The following CHN2 variants were observed in gnomAD, a reference collection of about 807,000 sequenced individuals.
CHN2 encodes the protein chimerin 2, also known as beta-chimaerin.
In CHN2, 35 loss-of-function variants were observed where a neutral mutation model predicts 56.3. That is an observed-to-expected ratio of 0.62 (90% CI 0.47 to 0.82). CHN2 has a LOEUF of 0.82. CHN2 is among the 40% of genes least tolerant of loss of function. The pLI is 0.00. For synonymous variants in CHN2, 210 were observed against 212.8 expected (o/e 0.99, Z 0.12); for missense variants, 491 against 580.5 (o/e 0.85, Z 1.58).
chr7:29,245,681 G>A (rs1309267250), intron 1 of CHN2, among the ~76,000 whole-genome samples: 1 of 152,184 alleles, frequency 6.6e-6, no homozygotes, highest in Non-Finnish European at 1.5e-5. Context: ...CCAGTACCTG[G>A]ATGCCTGGCT....
chr7:29,265,189 C>G (rs181786197), intron 1 of CHN2, among the ~76,000 whole-genome samples: 1 of 152,332 alleles, frequency 6.6e-6, no homozygotes, highest in East Asian at 1.9e-4. Context: ...ATTCCTTCAA[C>G]TTCTCCTGAC....
chr7:29,309,986 C>T (rs1794465298), intron 1 of CHN2, among the ~76,000 whole-genome samples: 1 of 152,206 alleles, frequency 6.6e-6, no homozygotes, highest in Non-Finnish European at 1.5e-5. Context: ...TGGGCCTCTC[C>T]CACCTTGTTC....
intron 3 of CHN2, among the ~76,000 whole-genome samples, chr7:29,381,102 T>A (rs1402105119): frequency 6.6e-6 from 1 of 152,182 alleles, no homozygotes; most frequent in African/African-American, 2.4e-5. Context: ...AAATTCTGGA[T>A]TTTGAGTCTC....
intron 1 of CHN2, among the ~76,000 whole-genome samples, chr7:29,272,100 G>A (rs3828991): frequency 0.18 from 27,309 of 152,046 alleles, 2,674 homozygotes; most frequent in Non-Finnish European, 0.22. Context: ...TGGTGTTGCC[G>A]TGACTTTCAG....
intron 1 of CHN2, among the ~76,000 whole-genome samples, chr7:29,276,201 G>A (rs1791202990): frequency 6.6e-6 from 1 of 152,166 alleles, no homozygotes; most frequent in Admixed American, 6.5e-5. Context: ...GTAGGACAGT[G>A]TAAGGAGGGG....
intron 1 of CHN2, among the ~76,000 whole-genome samples, chr7:29,225,176 T>C (rs1424970171): frequency 6.6e-6 from 1 of 152,174 alleles, no homozygotes; most frequent in Non-Finnish European, 1.5e-5. Context: ...ATGAATGTAA[T>C]TTTTTCTCCT....
chr7:29,252,788 G>A (rs113602054), intron 1 of CHN2, among the ~76,000 whole-genome samples: 2 of 111,966 alleles, frequency 1.8e-5, no homozygotes, highest in Non-Finnish European at 3.4e-5. Flanking sequence ...GTAGAGACGG[G>A]GTTTCACCTT....
At chr7:29,468,461 A>G (rs1785755321) in intron 6 of CHN2, among the ~76,000 whole-genome samples, 1 of 152,128 alleles carries the variant, frequency 6.6e-6, no homozygotes, top group African/African-American at 2.4e-5. Context: ...CAGTCAAACA[A>G]TAAAAATGGA....
intron 1 of CHN2, among the ~76,000 whole-genome samples, chr7:29,305,173 C>T (rs1794043503): frequency 6.6e-6 from 1 of 152,128 alleles, no homozygotes. Context: ...CAGGAAATTC[C>T]CAGTGATTGT....
intron 6 of CHN2, among the ~76,000 whole-genome samples, chr7:29,403,648 T>C (rs1488069675): frequency 6.6e-6 from 1 of 150,664 alleles, no homozygotes; most frequent in Non-Finnish European, 1.5e-5. Flanking sequence ...GTAGATGAGA[T>C]GGAGAGGCAG....
chr7:29,189,567 G>C (rs1243591403), intron 2 of CHN2, among the ~76,000 whole-genome samples: 1 of 152,144 alleles, frequency 6.6e-6, no homozygotes, highest in Non-Finnish European at 1.5e-5. Flanking sequence ...GTAACCTGAA[G>C]TGTCAGGGAA....
chr7:29,247,173 A>C (rs1788143330), intron 1 of CHN2, among the ~76,000 whole-genome samples: 1 of 152,198 alleles, frequency 6.6e-6, no homozygotes, highest in Non-Finnish European at 1.5e-5. Flanking sequence ...CTCCAGGTAG[A>C]GGGAACAGCA....
At chr7:29,241,016 G>A (rs892385309) in intron 1 of CHN2, among the ~76,000 whole-genome samples, 2 of 152,086 alleles carry the variant, frequency 1.3e-5, no homozygotes, top group African/African-American at 4.8e-5. Flanking sequence ...CTCCTGCACA[G>A]CTGGGATTAC....
At chr7:29,309,311 C>T (rs917603317) in intron 1 of CHN2, among the ~76,000 whole-genome samples, 1 of 152,106 alleles carries the variant, frequency 6.6e-6, no homozygotes, top group South Asian at 2.1e-4. Context: ...AGTAGCAGTG[C>T]TCTCCTTATT....
chr7:29,195,273 G>C (rs1268825661), intron 1 of CHN2: 5 of 390,818 alleles, frequency 1.3e-5, no homozygotes, highest in Non-Finnish European at 2.3e-5. Flanking sequence ...AAAGCGAAAG[G>C]AGCGGGCAGG....
At chr7:29,251,122 C>G (rs576520876) in intron 1 of CHN2, among the ~76,000 whole-genome samples, 1 of 152,310 alleles carries the variant, frequency 6.6e-6, no homozygotes, top group South Asian at 2.1e-4. Context: ...TGTTATATAT[C>G]TACCATGCAG....
intron 1 of CHN2, among the ~76,000 whole-genome samples, chr7:29,339,456 T>C (rs1796872150): frequency 6.6e-6 from 1 of 152,198 alleles, no homozygotes; most frequent in South Asian, 2.1e-4. Flanking sequence ...GCTTTCGATA[T>C]TAGCCACCTC....
chr7:29,303,833 G>C (rs1371474772), intron 1 of CHN2, among the ~76,000 whole-genome samples: 1 of 152,202 alleles, frequency 6.6e-6, no homozygotes, highest in Non-Finnish European at 1.5e-5. Context: ...GCTGAGGCTG[G>C]CAGATCACCT....
At chr7:29,485,626 C>T (rs1037878231) in intron 7 of CHN2, among the ~76,000 whole-genome samples, 8 of 152,122 alleles carry the variant, frequency 5.3e-5, no homozygotes, top group African/African-American at 7.2e-5. Flanking sequence ...AAAGAGCACC[C>T]GGGCTATGCA....
Sources: allele counts gnomAD v4.1 joint callset (sites outside exome capture counted in the v4.1 genomes callset), GRCh38; gene constraint gnomAD v4.1.1; transcripts MANE v1.5; gene names NCBI Gene and HGNC (gene_info 2026-07-23, HGNC 2026-07-21).